Variants in CRTC3 observed in about 807,000 individuals in gnomAD.
The protein encoded by CRTC3 is CREB-regulated transcription coactivator 3.
CRTC3 carries 26 observed loss-of-function variants against 74.5 expected under a neutral mutation model. The ratio of observed to expected loss-of-function variants is 0.35; its 90% CI spans 0.26 to 0.48. CRTC3 has a LOEUF of 0.48. CRTC3 is among the 20% of genes least tolerant of loss of function. The pLI is 0.99. For synonymous variants in CRTC3, 377 were observed against 325.8 expected (o/e 1.16, Z -1.69); for missense variants, 760 against 787.3 (o/e 0.97, Z 0.41).
chr15:90,547,023 C>G (rs1966845472), intron 2 of CRTC3, among the ~76,000 whole-genome samples: 1 of 152,180 alleles, frequency 6.6e-6, no homozygotes, highest in African/African-American at 2.4e-5. Context: ...AGAAGACTTC[C>G]ATGTACAGAA....
chr15:90,602,242 G>A (rs867725843), intron 3 of CRTC3, 82 bp from the exon 4 acceptor site: 1 of 837,990 alleles, frequency 1.2e-6, no homozygotes, highest in African/African-American at 1.7e-5. Flanking sequence ...AAACTCAGTT[G>A]TTTAACTCTC....
chr15:90,602,249 T>C, intron 3 of CRTC3, 75 bp from the exon 4 acceptor site: 1 of 881,644 alleles, frequency 1.1e-6, no homozygotes, highest in Admixed American at 1.9e-5. Flanking sequence ...GTTGTTTAAC[T>C]CTCTGTGAGT....
Position 90,638,808 on chromosome 15 carries a change from C to G in CRTC3, c.1541C>G (p.Pro514Arg). Residue 514 changes from proline (P) to arginine (R), a missense_variant, in exon 13 of 15, where the codon CCT becomes CGT. By Grantham distance (103) the Pro-to-Arg change is moderately radical. Transcript: ENST00000268184. ...TCCATGAGGCCAGGCCCTGCCTTTC[C>G]TCAACAGGTGGGTGATCGCCCCTGC... Reference protein sequence around the residue: ...QQSMRPGPAFPQQVPLVQQGS... With the variant: ...QQSMRPGPAFRQQVPLVQQGS... 6.2e-7 allele frequency: 1 copy of G among 1,613,902 alleles called. No individual in the cohort carries two copies.
chr15:90,599,232 A>G (rs921239604), intron 3 of CRTC3: 19 of 152,086 alleles, frequency 1.2e-4, no homozygotes, highest in African/African-American at 4.1e-4. Context: ...TTAATGTGGA[A>G]ATCTTCCTTG....
At position 90,638,826 on chromosome 15, in the gene CRTC3, G is replaced by A. The variant is rs781711201; in HGVS notation, c.1548+11G>A. 18 of 1,609,488 alleles carry A rather than the reference G, an allele frequency of 1.1e-5. No individual in the cohort carries two copies. Among genetic ancestry groups the A allele is most frequent in the Admixed American group, 5.0e-5 (3 of 60,002 alleles). On this transcript the variant is annotated intron_variant, in intron 13 of 14. Coordinates refer to ENST00000268184, the MANE Select transcript of CRTC3 (RefSeq NM_022769.5). ...GCCTTTCCTCAACAGGTGGGTGATC[G>A]CCCCTGCCTTCTCCTCCCTTGGTGC...
At chr15:90,606,041 A>C (rs1437469620) in intron 5 of CRTC3, among the ~76,000 whole-genome samples, 1 of 152,028 alleles carries the variant, frequency 6.6e-6, no homozygotes, top group East Asian at 1.9e-4. Context: ...GAATCACCTG[A>C]GGTCAGGAGT....
At chr15:90,629,825 C>T (rs930908859) in intron 11 of CRTC3, among the ~76,000 whole-genome samples, 5 of 152,142 alleles carry the variant, frequency 3.3e-5, no homozygotes, top group African/African-American at 9.7e-5. Flanking sequence ...CGGGCTCAAG[C>T]GATCTTCTCA....
intron 2 of CRTC3, among the ~76,000 whole-genome samples, chr15:90,552,373 A>AG (rs1320597058): frequency 3.3e-5 from 5 of 152,242 alleles, no homozygotes; most frequent in African/African-American, 1.2e-4. Context: ...CACAGATCAG[A>AG]GAGTCTCCAC....
chr15:90,582,931 C>A (rs549531322), intron 2 of CRTC3, among the ~76,000 whole-genome samples: 2 of 152,174 alleles, frequency 1.3e-5, no homozygotes, highest in African/African-American at 4.8e-5. Context: ...AGACATAGAC[C>A]TTATTCTCTG....
At position 90,629,304 on chromosome 15, in the gene CRTC3, A is replaced by G; in HGVS notation, c.1038A>G (p.Leu346=). 1 of 1,614,104 alleles carries G rather than the reference A, an allele frequency of 6.2e-7. No homozygotes were observed. The highest frequency in any genetic ancestry group is 8.5e-7 in the Non-Finnish European group (1 of 1,180,002). The change falls in exon 11 of 15, where the codon TTA becomes TTG. Residue 346 remains leucine, a synonymous_variant. Coordinates refer to ENST00000268184, the MANE Select transcript of CRTC3 (RefSeq NM_022769.5). ...TLNKTVLSSS[L]NNHPQTSVPN... is the part of the protein sequence containing the mutation. ...ATAAGACTGTGCTTTCCTCTTCCTT[A>G]AATAACCACCCACAGACATCTGTTC...
chr15:90,543,651 C>T (rs1025385529), intron 2 of CRTC3, among the ~76,000 whole-genome samples: 4 of 152,002 alleles, frequency 2.6e-5, no homozygotes, highest in African/African-American at 9.7e-5. Flanking sequence ...TGGTGGGAGC[C>T]CTCTTCCGAA....
Position 90,590,612 on chromosome 15 carries a change from G to A in CRTC3, c.232-3024G>A, listed in dbSNP as rs542644384. Among the ~76,000 whole-genome samples the A allele has an allele frequency of 6.8e-4, 103 of 152,012 alleles. 2 individuals carry two copies. The South Asian group carries it at 0.019, about 28-fold the overall frequency. On this transcript the variant is annotated intron_variant, in intron 2 of 14. Transcript: ENST00000268184. ...TGACCTCAGACGATCCACCTGCCTC[G>A]GCCTCCCAAAGTGCTGGGATTACAG...
At chr15:90,578,168 C>T (rs902265286) in intron 2 of CRTC3, among the ~76,000 whole-genome samples, 4 of 152,106 alleles carry the variant, frequency 2.6e-5, no homozygotes, top group Non-Finnish European at 4.4e-5. Context: ...CCACCTGCCT[C>T]GGCCTCCCAA....
chr15:90,628,908 T>G (rs943010455), intron 10 of CRTC3, among the ~76,000 whole-genome samples: 1 of 152,144 alleles, frequency 6.6e-6, no homozygotes, highest in Admixed American at 6.5e-5. Flanking sequence ...CTAGGGTCCT[T>G]TCCCTGGGTC....
intron 11 of CRTC3, among the ~76,000 whole-genome samples, chr15:90,633,603 C>T (rs1969122226): frequency 6.6e-6 from 1 of 152,186 alleles, no homozygotes; most frequent in Admixed American, 6.5e-5. Flanking sequence ...TGGCGTGAGT[C>T]TGCATATTTG....
intron 11 of CRTC3, among the ~76,000 whole-genome samples, chr15:90,633,299 C>T (rs1040817190): frequency 1.3e-5 from 2 of 152,082 alleles, no homozygotes; most frequent in Non-Finnish European, 2.9e-5. Context: ...GATCTCCTCT[C>T]GACACATTCA....
chr15:90,595,101 G>T (rs1967888489), intron 3 of CRTC3: 1 of 152,176 alleles, frequency 6.6e-6, no homozygotes, highest in African/African-American at 2.4e-5. Flanking sequence ...ATGATCTTGA[G>T]AATCTATTCT....
chr15:90,531,454 A>G (rs1189837132), intron 1 of CRTC3, among the ~76,000 whole-genome samples: 1 of 152,178 alleles, frequency 6.6e-6, no homozygotes, highest in Non-Finnish European at 1.5e-5. Flanking sequence ...GACAGTTGCC[A>G]TTTATACTCA....
intron 1 of CRTC3, among the ~76,000 whole-genome samples, chr15:90,535,024 G>C (rs1298761977): frequency 6.6e-6 from 1 of 152,094 alleles, no homozygotes; most frequent in Non-Finnish European, 1.5e-5. Context: ...AGCCAGGCAT[G>C]GTGGCGAGTG....
Sources: gnomAD v4.1 joint callset for allele counts (sites outside exome capture counted in the v4.1 genomes callset) on GRCh38, gnomAD v4.1.1 for gene constraint, MANE v1.5 for transcripts, NCBI Gene and HGNC (gene_info 2026-07-23, HGNC 2026-07-21) for gene names.